CKMT2: variants seen among roughly 807,000 people sequenced by gnomAD.
CKMT2 encodes the protein creatine kinase, mitochondrial 2, also known as creatine kinase S-type, mitochondrial.
CKMT2 carries 43 observed loss-of-function variants against 48.9 expected under a neutral mutation model. The ratio of observed to expected loss-of-function variants is 0.88; its 90% confidence interval spans 0.69 to 1.13. The LOEUF (loss-of-function observed/expected upper bound fraction) is 1.13, where lower values mean the gene tolerates loss of function less well. Ranked by LOEUF, CKMT2 falls within the 50% of genes most tolerant of loss-of-function variation. The probability of loss-of-function intolerance (pLI) is 0.00; values close to 1 mark genes in which losing one functional copy is unlikely to be tolerated. For missense variants in CKMT2, 472 were observed against 555.4 expected (o/e 0.85, Z 1.51); for synonymous variants, 206 against 213.0 (o/e 0.97, Z 0.29).
chr5:81,247,497 A>T (rs1298387796), intron 1 of CKMT2, among the ~76,000 whole-genome samples: 1 of 152,238 alleles, frequency 6.6e-6, no homozygotes, highest in African/African-American at 2.4e-5. Context: ...CCTGCCAGGT[A>T]ACAGGGAAAT....
At chr5:81,254,615 T>A in intron 4 of CKMT2, 124 bp downstream of exon 4, 1 of 774,338 alleles carries the variant, frequency 1.3e-6, no homozygotes, top group Non-Finnish European at 2.1e-6. Flanking sequence ...GTGACTGCCC[T>A]GGCACAGCCT....
rs769724253 is a variant in CKMT2, at chr5:81,255,232, C to A, written c.669+18C>A. On this transcript the variant is annotated intron_variant, in intron 5 of 9. Transcript: ENST00000254035. ...TCATCGATGTGAGTAGCAGATGGGG[C>A]TCCCTGGGGAAGGACTGGACCAAGG... 1 of 1,608,706 alleles carries A rather than the reference C, an allele frequency of 6.2e-7. No homozygotes were observed. The highest frequency in any genetic ancestry group is 2.2e-5 in the East Asian group (1 of 44,808).
chr5:81,239,321 A>AATAATACAAAT (rs1756355612), intron 1 of CKMT2: 1 of 152,290 alleles, frequency 6.6e-6, no homozygotes, highest in African/African-American at 2.4e-5. Context: ...TATTAGTGAC[A>AATAATACAAAT]GTGGCCCAGG....
At position 81,256,086 on chromosome 5, in the gene CKMT2, T is replaced by C. The variant is rs551853333; in HGVS notation, c.670-829T>C. 2.8e-4 allele frequency among the ~76,000 whole-genome samples: 43 copies of C among 152,292 alleles called. 1 individual carries two copies. The highest frequency in any genetic ancestry group is 1.0e-3 in the African/African-American group (43 of 41,560). On this transcript the variant is annotated intron_variant, in intron 5 of 9. Coordinates refer to ENST00000254035, the MANE Select transcript of CKMT2 (RefSeq NM_001099735.2). Reference sequence around the variant, plus strand: ...CAGGACTCCTCTCCCCACATCCACTTGGTCTCTTACGTGTGTAATCATATT... The same window carrying C: ...CAGGACTCCTCTCCCCACATCCACTCGGTCTCTTACGTGTGTAATCATATT...
In CKMT2 at chr5:81,254,378, C is replaced by T; in HGVS notation, c.352-18C>T. ...GGTGAACCAGTTAAAGAGGAAACAC[C>T]CATCTTCCCTCCTGCAGGTGTTTGC... On this transcript the variant is annotated intron_variant, in intron 3 of 9. Coordinates refer to ENST00000254035, the MANE Select transcript of CKMT2 (RefSeq NM_001099735.2). The T allele has an allele frequency of 6.3e-7, 1 of 1,599,566 alleles. No homozygotes were observed. Among genetic ancestry groups the T allele is most frequent in the Non-Finnish European group, 8.6e-7 (1 of 1,166,810 alleles).
chr5:81,251,359 G>A, intron 2 of CKMT2, 75 bp downstream of exon 2: 2 of 1,496,478 alleles, frequency 1.3e-6, no homozygotes, highest in Non-Finnish European at 1.8e-6. Context: ...CACTTTGGAA[G>A]GCCAGATCAC....
At chr5:81,235,036 G>A (rs1561273576) in intron 1 of CKMT2, among the ~76,000 whole-genome samples, 1 of 152,168 alleles carries the variant, frequency 6.6e-6, no homozygotes, top group Admixed American at 6.5e-5. Flanking sequence ...GGGCGGGGAA[G>A]AAGGCAGCCC....
intron 7 of CKMT2, among the ~76,000 whole-genome samples, 171 bp from the exon 8 acceptor site, chr5:81,258,949 T>G (rs1757110757): frequency 6.6e-6 from 1 of 152,206 alleles, no homozygotes; most frequent in South Asian, 2.1e-4. Context: ...TGGGCCATTT[T>G]AATAGTCTGG....
chr5:81,240,488 C>T (rs1336912784), intron 1 of CKMT2, among the ~76,000 whole-genome samples: 1 of 152,220 alleles, frequency 6.6e-6, no homozygotes, highest in Non-Finnish European at 1.5e-5. Flanking sequence ...TCATCGTTTC[C>T]ACTCAAATCC....
chr5:81,262,242 G>A lies in CKMT2; in HGVS notation c.1015-1249G>A, dbSNP rs554646332. Among the ~76,000 whole-genome samples the A allele has an allele frequency of 1.1e-3, 169 of 152,194 alleles. 2 individuals are homozygous for A. The highest frequency in any genetic ancestry group is 4.0e-3 in the African/African-American group (165 of 41,520). ...AGACCTAAAAACCATAAAAACCCTA[G>A]AAGAAAACCTAGGCAATACCATTCA... On this transcript the variant is annotated intron_variant, in intron 8 of 9. Transcript: ENST00000254035.
chr5:81,265,177 A>AC (rs1757346239), intron 9 of CKMT2, among the ~76,000 whole-genome samples: 1 of 152,184 alleles, frequency 6.6e-6, no homozygotes, highest in African/African-American at 2.4e-5. Flanking sequence ...TTATACCAAG[A>AC]TAGAGTCCTA....
intron 1 of CKMT2, chr5:81,244,214 C>G: frequency 2.0e-6 from 2 of 984,346 alleles, no homozygotes; most frequent in Non-Finnish European, 2.4e-6. Context: ...AGGTAAAGTT[C>G]CTTACTGTAA....
At chr5:81,257,916 TC>T in intron 7 of CKMT2, 60 bp downstream of exon 7, 1 of 1,523,206 alleles carries the variant, frequency 6.6e-7, no homozygotes, top group Non-Finnish European at 8.9e-7. Context: ...TATTGTTTGT[TC>T]TTGAAAGAAG....
At chr5:81,233,438 T>C (rs1201882512) in intron 1 of CKMT2, 61 bp downstream of exon 1, 2 of 973,612 alleles carry the variant, frequency 2.1e-6, no homozygotes, top group African/African-American at 3.5e-5. Flanking sequence ...CTAGAGCCAG[T>C]GTGAAGGGCC....
At chr5:81,251,372 G>C (rs1019502728) in intron 2 of CKMT2, 88 bp downstream of exon 2, 1 of 1,405,426 alleles carries the variant, frequency 7.1e-7, no homozygotes, top group Non-Finnish European at 9.9e-7. Context: ...CAGATCACGA[G>C]GTCAAGAGAT....
In CKMT2 at chr5:81,250,940, AACACACACACACAC is replaced by A. The variant is rs142418532; in HGVS notation, c.-20-147_-20-134del. On this transcript the variant is annotated intron_variant, in intron 1 of 9. Coordinates refer to ENST00000254035, the MANE Select transcript of CKMT2 (RefSeq NM_001099735.2). ...GAAAAAAGCAAAGCAAGAAATAGAA[AACACACACACACAC>A]ACACACACACACACACACACACACA... 1.7e-4 allele frequency among the ~76,000 whole-genome samples: 23 copies of A among 133,078 alleles called. 1 individual carries two copies. The East Asian group carries it at 2.8e-3, about 16-fold the overall frequency. The allele number at this position is 133,078 out of a possible 152,430, so 87.3% of individuals were successfully genotyped here. A position where few individuals can be genotyped will look rare whatever the true frequency, so the allele number is the denominator to read the frequency against.
chr5:81,237,133 A>G (rs548163695), intron 1 of CKMT2, among the ~76,000 whole-genome samples: 1 of 152,358 alleles, frequency 6.6e-6, no homozygotes, highest in South Asian at 2.1e-4. Flanking sequence ...TGGGTGACAG[A>G]GCGAGACTCT....
chr5:81,258,227 C>G (rs952661592), intron 7 of CKMT2, among the ~76,000 whole-genome samples: 3 of 152,212 alleles, frequency 2.0e-5, no homozygotes, highest in Admixed American at 2.0e-4. Context: ...TGAGCCACCA[C>G]GCCCAGCCTC....
At chr5:81,257,106 C>A in intron 6 of CKMT2, 106 bp downstream of exon 6, 1 of 774,644 alleles carries the variant, frequency 1.3e-6, no homozygotes, top group Non-Finnish European at 2.1e-6. Context: ...GACAGCATGC[C>A]CAGACTGAGC....
Sources: allele counts gnomAD v4.1 joint callset (sites outside exome capture counted in the v4.1 genomes callset), GRCh38; gene constraint gnomAD v4.1.1; transcripts MANE v1.5; gene names NCBI Gene and HGNC (gene_info 2026-07-23, HGNC 2026-07-21).